Variants in RSPH1 observed in about 807,000 individuals in gnomAD.
RSPH1 encodes the protein radial spoke head 1 homolog.
In RSPH1, 32 loss-of-function variants were observed where a neutral mutation model predicts 44.2. The ratio of observed to expected loss-of-function variants is 0.72; its 90% CI spans 0.55 to 0.97. The LOEUF (loss-of-function observed/expected upper bound fraction) is 0.97. RSPH1 is among the 50% of genes least tolerant of loss of function. The pLI is 0.00. For synonymous variants in RSPH1, 134 were observed against 147.3 expected, an observed-to-expected ratio of 0.91 and a Z score of 0.65; for missense variants, 391 against 398.7, an observed-to-expected ratio of 0.98 and a Z score of 0.16.
At chr21:42,488,018 C>A (rs534423959) in intron 3 of RSPH1, among the ~76,000 whole-genome samples, 1 of 152,144 alleles carries the variant, frequency 6.6e-6, no homozygotes, top group South Asian at 2.1e-4. Context: ...GAAGGCAGCA[C>A]GAAAAGCTGC....
chr21:42,477,309 C>G lies in RSPH1; in HGVS notation c.709G>C (p.Asp237His), dbSNP rs368695982. The G allele has an allele frequency of 2.5e-6, 4 of 1,613,924 alleles. No homozygotes were observed. Among genetic ancestry groups the G allele is most frequent in the Admixed American group, 1.7e-5 (1 of 60,006 alleles). ...CCCACACTCTCAGCTCCTGGAGCGT[C>G]TTGGCCAGGTCCATCCGTAGAGGTC... The part of the protein sequence containing the change: ...KPTSTDGPGQ[D>H]APGAESAGEP... Residue 237 changes from aspartate (D) to histidine (H), a missense_variant, in exon 7 of 9, where the codon GAC (aspartate) becomes CAC (histidine). Coordinates refer to ENST00000291536, the MANE Select transcript of RSPH1 (RefSeq NM_080860.4).
chr21:42,492,889 A>C (rs773961496), intron 2 of RSPH1, 26 bp from the exon 3 acceptor site: 27 of 1,580,524 alleles, frequency 1.7e-5, no homozygotes, highest in Non-Finnish European at 2.2e-5. Flanking sequence ...TATATCATTC[A>C]TATCATTGCT....
chr21:42,491,962 G>A lies in RSPH1; in HGVS notation c.274+796C>T, dbSNP rs368739088. On this transcript the variant is annotated intron_variant, in intron 3 of 8. Transcript: ENST00000291536. ...AGATGAGAAACTGAGGCAAGGAGATGTGAAGTCACCTATGCAAGCTCACAC... is the reference window on the plus strand; with the variant it reads ...AGATGAGAAACTGAGGCAAGGAGATATGAAGTCACCTATGCAAGCTCACAC... Among the ~76,000 whole-genome samples, 16 of 152,356 alleles carry A rather than the reference G, an allele frequency of 1.1e-4. No individual in the cohort carries two copies. In the East Asian group the frequency reaches 2.7e-3, roughly 26 times the overall value.
intron 6 of RSPH1, among the ~76,000 whole-genome samples, chr21:42,482,247 C>T (rs2054135623): frequency 6.6e-6 from 1 of 152,172 alleles, no homozygotes; most frequent in African/African-American, 2.4e-5. Flanking sequence ...CCATGCCCAG[C>T]TAATTTTTGT....
intron 3 of RSPH1, among the ~76,000 whole-genome samples, chr21:42,488,390 T>G (rs917430033): frequency 4.6e-5 from 7 of 152,096 alleles, no homozygotes; most frequent in African/African-American, 9.7e-5. Context: ...TGGGAAGAGA[T>G]GCACAGAATG....
intron 6 of RSPH1, among the ~76,000 whole-genome samples, chr21:42,478,652 A>G (rs2054095697): frequency 6.6e-6 from 1 of 152,240 alleles, no homozygotes; most frequent in Non-Finnish European, 1.5e-5. Context: ...TTCTTCAAAA[A>G]GCGAAACAGC....
At chr21:42,495,820 G>A (rs1393629732) in intron 1 of RSPH1, among the ~76,000 whole-genome samples, 1 of 152,154 alleles carries the variant, frequency 6.6e-6, no homozygotes, top group East Asian at 1.9e-4. Flanking sequence ...TGCCTCGATG[G>A]GAATTAACAC....
At chr21:42,491,571 G>A (rs966781005) in intron 3 of RSPH1, among the ~76,000 whole-genome samples, 3 of 152,168 alleles carry the variant, frequency 2.0e-5, no homozygotes, top group African/African-American at 7.2e-5. Context: ...AAATTAAATT[G>A]TTTAAAGTTG....
chr21:42,481,877 G>A (rs1342625705), intron 6 of RSPH1, among the ~76,000 whole-genome samples: 2 of 152,274 alleles, frequency 1.3e-5, no homozygotes, highest in East Asian at 3.9e-4. Context: ...TGTCAATGTA[G>A]TGTTAATATT....
At chr21:42,483,472 A>G (rs2054150551) in intron 5 of RSPH1, among the ~76,000 whole-genome samples, 1 of 152,006 alleles carries the variant, frequency 6.6e-6, no homozygotes, top group South Asian at 2.1e-4. Flanking sequence ...GTTTTTTTAT[A>G]TAAAACAACA....
intron 8 of RSPH1, among the ~76,000 whole-genome samples, chr21:42,475,640 G>A (rs1464432026): frequency 6.9e-6 from 1 of 145,656 alleles, no homozygotes; most frequent in Non-Finnish European, 1.5e-5. Flanking sequence ...CCAGCCTGGG[G>A]TCGGTCCTCC....
At chr21:42,490,968 G>A (rs771289057) in intron 3 of RSPH1, among the ~76,000 whole-genome samples, 5 of 152,170 alleles carry the variant, frequency 3.3e-5, no homozygotes, top group Non-Finnish European at 5.9e-5. Context: ...CAGGAGGGTG[G>A]TGCACTCCAC....
chr21:42,485,626 TA>T (rs2054171676), intron 5 of RSPH1, 42 bp downstream of exon 5: 1 of 1,612,248 alleles, frequency 6.2e-7, no homozygotes, highest in Non-Finnish European at 8.5e-7. Context: ...CAGAGGGGGT[TA>T]TTTTGTACTT....
chr21:42,486,197 C>T, intron 4 of RSPH1, 174 bp downstream of exon 4: 1 of 620,048 alleles, frequency 1.6e-6, no homozygotes. Context: ...TGAGTCTACA[C>T]TTGCACAGAA....
At chr21:42,475,567 C>CA (rs549479473) in intron 8 of RSPH1, among the ~76,000 whole-genome samples, 2,424 of 112,056 alleles carry the variant, frequency 0.022, 26 homozygotes, top group Non-Finnish European at 0.027. Flanking sequence ...GACTCCATCT[C>CA]AAAAAAAAAA....
At chr21:42,482,165 A>C (rs534596790) in intron 6 of RSPH1, among the ~76,000 whole-genome samples, 2 of 151,964 alleles carry the variant, frequency 1.3e-5, no homozygotes, top group Non-Finnish European at 2.9e-5. Context: ...CTCACTGCAA[A>C]CTCCGCCGCC....
intron 3 of RSPH1, among the ~76,000 whole-genome samples, chr21:42,489,523 C>T (rs2054215821): frequency 6.6e-6 from 1 of 152,278 alleles, no homozygotes; most frequent in South Asian, 2.1e-4. Context: ...ATGCTCCTCC[C>T]CCCTCAAATG....
chr21:42,479,279 C>A (rs1302631198), intron 6 of RSPH1, among the ~76,000 whole-genome samples: 1 of 152,200 alleles, frequency 6.6e-6, no homozygotes, highest in African/African-American at 2.4e-5. Context: ...ATCCCCACAG[C>A]ACAGTGGGAG....
chr21:42,475,314 C>T (rs184702012), intron 8 of RSPH1, among the ~76,000 whole-genome samples: 1 of 152,138 alleles, frequency 6.6e-6, no homozygotes, highest in Admixed American at 6.5e-5. Context: ...TCATGCAAAT[C>T]CCAGCACTTT....
Sources: allele counts gnomAD v4.1 joint callset (sites outside exome capture counted in the v4.1 genomes callset), GRCh38; gene constraint gnomAD v4.1.1; transcripts MANE v1.5; gene names NCBI Gene and HGNC (gene_info 2026-07-23, HGNC 2026-07-21).